Variants in GID4 observed in about 807,000 individuals in gnomAD.
GID4 encodes GID complex subunit 4 homolog.
Under a neutral mutation model 32.4 loss-of-function variants are expected in GID4, and 7 were observed. That is an observed-to-expected ratio of 0.22 (90% confidence interval 0.12 to 0.41). The LOEUF (loss-of-function observed/expected upper bound fraction) is 0.41. Ranked by LOEUF, GID4 falls within the 10% of genes least tolerant of loss-of-function variation. GID4 has a pLI of 1.00. For synonymous variants in GID4, 166 were observed against 170.0 expected (o/e 0.98, Z 0.18); for missense variants, 309 against 400.0 (o/e 0.77, Z 1.94).
chr17:18,048,932 C>T (rs867640817), intron 2 of GID4, among the ~76,000 whole-genome samples: 70 of 152,022 alleles, frequency 4.6e-4, no homozygotes, highest in African/African-American at 1.5e-3. Context: ...CATGAGCCAC[C>T]GTGCCTGGCA....
rs142861594 is a variant in GID4, at chr17:18,051,728, A to G, written c.499-2399A>G. On this transcript the variant is annotated intron_variant, in intron 2 of 5. Transcript: ENST00000268719. ...AAATCTCAAATGCAGGTGCTGATTT[A>G]TTGAGAACTTTTTTCCTTAGTAGTC... 4.3e-3 allele frequency among the ~76,000 whole-genome samples: 657 copies of G among 151,868 alleles called. 19 individuals are homozygous for G. In the East Asian group the frequency reaches 0.045, roughly 10 times the overall value.
chr17:18,051,549 A>T (rs528340895), intron 2 of GID4, among the ~76,000 whole-genome samples: 2 of 151,902 alleles, frequency 1.3e-5, no homozygotes, highest in Admixed American at 1.3e-4. Flanking sequence ...GGTGGTGGAT[A>T]CCTGTAATCC....
chr17:18,044,115 A>G (rs2044828900), intron 1 of GID4, among the ~76,000 whole-genome samples: 2 of 152,158 alleles, frequency 1.3e-5, no homozygotes, highest in Admixed American at 1.3e-4. Context: ...TGGACACTCC[A>G]TGCGGATACT....
chr17:18,042,130 CT>C (rs1163094100), intron 1 of GID4, among the ~76,000 whole-genome samples: 3 of 152,184 alleles, frequency 2.0e-5, no homozygotes, highest in Non-Finnish European at 2.9e-5. Context: ...AACTCAGCTT[CT>C]TTTTGTTTGT....
rs1405888501 is a variant in GID4 at position 18,062,913 on chromosome 17, A to G, written c.839+938A>G. On this transcript the variant is annotated intron_variant, in intron 5 of 5. Coordinates refer to ENST00000268719, the MANE Select transcript of GID4 (RefSeq NM_024052.5). ...ACACGGTGAAACCCCGTCTCTACTA[A>G]AAAACAAAAAATTAGCCAGGCATGG... is the stretch of plus-strand genomic sequence containing the variant. 1.7e-4 allele frequency among the ~76,000 whole-genome samples: 25 copies of G among 150,450 alleles called. No individual in the cohort carries two copies. The Admixed American group carries it at 1.7e-3, about 10-fold the overall frequency.
intron 1 of GID4, among the ~76,000 whole-genome samples, chr17:18,043,179 G>T (rs1290980268): frequency 6.6e-6 from 1 of 152,158 alleles, no homozygotes; most frequent in Non-Finnish European, 1.5e-5. Context: ...TTCTTGAGAT[G>T]CTCGCCTGCC....
At chr17:18,057,812 A>T (rs1465536704) in intron 3 of GID4, among the ~76,000 whole-genome samples, 1 of 152,120 alleles carries the variant, frequency 6.6e-6, no homozygotes, top group Non-Finnish European at 1.5e-5. Flanking sequence ...TGAAAAAAAA[A>T]ATTGCATCTG....
At chr17:18,058,755 G>A (rs1021451525) in intron 3 of GID4, 113 bp from the exon 4 acceptor site, 19 of 664,042 alleles carry the variant, frequency 2.9e-5, no homozygotes, top group Non-Finnish European at 4.3e-5. Context: ...TGGGAGCCAC[G>A]TCCCTAGCTG....
In GID4 at chr17:18,063,537, C is replaced by A. The variant is rs146107252; in HGVS notation, c.839+1562C>A. Reference sequence around the variant, plus strand: ...TTAGCCATTATCCCAAACTCCTCATCCCCTCTGAGCCCTGGGCAACCACTA... The same window carrying A: ...TTAGCCATTATCCCAAACTCCTCATACCCTCTGAGCCCTGGGCAACCACTA... On this transcript the variant is annotated intron_variant, in intron 5 of 5. Coordinates refer to ENST00000268719, the MANE Select transcript of GID4 (RefSeq NM_024052.5). 3.5e-3 allele frequency among the ~76,000 whole-genome samples: 530 copies of A among 152,272 alleles called. 6 individuals are homozygous for A. The highest frequency in any genetic ancestry group is 3.4e-3 in the Non-Finnish European group (228 of 68,000).
chr17:18,042,920 T>C (rs1046793995), intron 1 of GID4, among the ~76,000 whole-genome samples: 22 of 152,186 alleles, frequency 1.4e-4, no homozygotes, highest in Non-Finnish European at 2.6e-4. Flanking sequence ...GTGTTTTTGT[T>C]GTTGTTGTTG....
intron 3 of GID4, chr17:18,056,837 G>GAT: frequency 6.4e-7 from 1 of 1,550,580 alleles, no homozygotes; most frequent in Non-Finnish European, 8.7e-7. Context: ...AACCTATGGA[G>GAT]TGCTTCCTCC....
At chr17:18,057,677 A>T (rs184873046) in intron 3 of GID4, among the ~76,000 whole-genome samples, 161 of 152,050 alleles carry the variant, frequency 1.1e-3, no homozygotes, top group Non-Finnish European at 1.1e-3. Flanking sequence ...TCTTTTTTTT[A>T]AAAAATGGGA....
At chr17:18,040,354 A>T (rs576242974) in intron 1 of GID4, among the ~76,000 whole-genome samples, 1 of 152,128 alleles carries the variant, frequency 6.6e-6, no homozygotes, top group African/African-American at 2.4e-5. Context: ...CAGACCTGAG[A>T]CATGTCCTCC....
At chr17:18,046,293 C>T (rs1005027971) in intron 2 of GID4, among the ~76,000 whole-genome samples, 9 of 152,152 alleles carry the variant, frequency 5.9e-5, no homozygotes, top group Non-Finnish European at 1.3e-4. Flanking sequence ...TCCTCATCTG[C>T]GAAGTTGAGA....
chr17:18,046,665 T>TA (rs1318703850), intron 2 of GID4, among the ~76,000 whole-genome samples: 1 of 151,750 alleles, frequency 6.6e-6, no homozygotes, highest in Non-Finnish European at 1.5e-5. Flanking sequence ...CTCACACCTG[T>TA]AATCCCAGCA....
chr17:18,059,808 G>A (rs774002932), intron 4 of GID4, among the ~76,000 whole-genome samples: 6 of 152,146 alleles, frequency 3.9e-5, no homozygotes, highest in Non-Finnish European at 7.4e-5. Context: ...GGGATCGGCC[G>A]GGCGTGGTGG....
At chr17:18,044,007 G>A (rs1377397758) in intron 1 of GID4, among the ~76,000 whole-genome samples, 1 of 152,102 alleles carries the variant, frequency 6.6e-6, no homozygotes. Flanking sequence ...TTAATTCAGA[G>A]GCCTACGATG....
chr17:18,050,922 T>C (rs1375073977), intron 2 of GID4, among the ~76,000 whole-genome samples: 2 of 152,230 alleles, frequency 1.3e-5, no homozygotes, highest in Non-Finnish European at 1.5e-5. Context: ...CATTGGGCTG[T>C]AATAAAGTGC....
At chr17:18,040,009 G>C in intron 1 of GID4, 107 bp downstream of exon 1, 3 of 1,243,170 alleles carry the variant, frequency 2.4e-6, no homozygotes, top group Non-Finnish European at 3.0e-6. Flanking sequence ...CCTCGCCGCC[G>C]GGGCCTCCTG....
Sources: gnomAD v4.1 joint callset for allele counts (sites outside exome capture counted in the v4.1 genomes callset) on GRCh38, gnomAD v4.1.1 for gene constraint, MANE v1.5 for transcripts, NCBI Gene and HGNC (gene_info 2026-07-23, HGNC 2026-07-21) for gene names.